The following FSTL5 variants were observed in gnomAD, a reference collection of about 807,000 sequenced individuals.
FSTL5 encodes follistatin like 5.
FSTL5 carries 62 observed loss-of-function variants against 89.1 expected under a neutral mutation model. The ratio of observed to expected loss-of-function variants is 0.70; its 90% CI spans 0.57 to 0.86. The LOEUF is 0.86. Among genes scored for constraint, FSTL5 ranks in the 40% least tolerant of loss-of-function variants. The probability of loss-of-function intolerance (pLI) is 0.00; values close to 1 mark genes in which losing one functional copy is unlikely to be tolerated. For missense variants in FSTL5, 1,057 were observed against 1,001.6 expected (o/e 1.06, Z -0.75); for synonymous variants, 383 against 346.2 (o/e 1.11, Z -1.18).
At chr4:161,409,756 C>T (rs995607523) in intron 15 of FSTL5, among the ~76,000 whole-genome samples, 3 of 152,130 alleles carry the variant, frequency 2.0e-5, no homozygotes, top group Non-Finnish European at 4.4e-5. Flanking sequence ...AAGAACAAAC[C>T]TGCTACCACA....
chr4:162,057,654 C>G (rs1459462421), intron 2 of FSTL5, among the ~76,000 whole-genome samples: 1 of 152,068 alleles, frequency 6.6e-6, no homozygotes, highest in African/African-American at 2.4e-5. Context: ...ATTTGAAAGA[C>G]ATATTTCACC....
At chr4:161,702,233 C>G (rs1738416464) in intron 6 of FSTL5, among the ~76,000 whole-genome samples, 1 of 152,074 alleles carries the variant, frequency 6.6e-6, no homozygotes, top group Non-Finnish European at 1.5e-5. Flanking sequence ...ATTTAAAAAT[C>G]TTTTGAATCA....
At chr4:161,908,093 G>T (rs1425263628) in intron 4 of FSTL5, among the ~76,000 whole-genome samples, 1 of 151,816 alleles carries the variant, frequency 6.6e-6, no homozygotes, top group African/African-American at 2.4e-5. Context: ...GAATATCAGG[G>T]ACCAATGCTA....
At chr4:161,923,124 A>C (rs1422329812) in intron 3 of FSTL5, among the ~76,000 whole-genome samples, 1 of 151,940 alleles carries the variant, frequency 6.6e-6, no homozygotes, top group East Asian at 1.9e-4. Context: ...TGCCCAAATA[A>C]CATAGATGCC....
At chr4:162,063,922 T>G (rs1289634414) in intron 2 of FSTL5, among the ~76,000 whole-genome samples, 2 of 152,046 alleles carry the variant, frequency 1.3e-5, no homozygotes, top group Non-Finnish European at 2.9e-5. Context: ...CAGAGGCTTG[T>G]GCAAATTTTC....
chr4:161,526,956 T>TAAAGC (rs1731242230), intron 10 of FSTL5, among the ~76,000 whole-genome samples: 1 of 152,122 alleles, frequency 6.6e-6, no homozygotes, highest in African/African-American at 2.4e-5. Context: ...ATATGAACTT[T>TAAAGC]AGTTTTTTCC....
At chr4:161,832,613 G>A (rs1730884593) in intron 4 of FSTL5, among the ~76,000 whole-genome samples, 1 of 152,148 alleles carries the variant, frequency 6.6e-6, no homozygotes, top group Admixed American at 6.5e-5. Flanking sequence ...TCTTGGGAGG[G>A]TGTATGTGTC....
chr4:161,985,373 A>T (rs572030745), intron 3 of FSTL5, among the ~76,000 whole-genome samples: 58 of 152,294 alleles, frequency 3.8e-4, no homozygotes, highest in African/African-American at 1.4e-3. Context: ...ACATAGTTGT[A>T]TATGAAGTAG....
intron 12 of FSTL5, among the ~76,000 whole-genome samples, chr4:161,494,609 A>AC (rs1729999595): frequency 3.3e-5 from 5 of 152,202 alleles, no homozygotes; most frequent in Admixed American, 3.3e-4. Context: ...TTCTTTTCTA[A>AC]CAGACTGGTA....
intron 6 of FSTL5, among the ~76,000 whole-genome samples, chr4:161,705,998 ACAC>A (rs1738567076): frequency 1.5e-5 from 1 of 65,524 alleles, no homozygotes; most frequent in South Asian, 6.2e-4. Flanking sequence ...ATATATATAC[ACAC>A]ATCTACACAC....
chr4:161,444,014 C>G (rs1315865417), intron 15 of FSTL5, among the ~76,000 whole-genome samples: 1 of 151,874 alleles, frequency 6.6e-6, no homozygotes, highest in Non-Finnish European at 1.5e-5. Context: ...TTATATAGCA[C>G]TGTAGCAAAA....
chr4:161,399,718 G>A (rs1398400741), intron 15 of FSTL5, among the ~76,000 whole-genome samples: 1 of 152,106 alleles, frequency 6.6e-6, no homozygotes, highest in Admixed American at 6.5e-5. Context: ...TTTTTACTGT[G>A]ATACAAAATT....
intron 1 of FSTL5, among the ~76,000 whole-genome samples, chr4:162,139,269 C>A (rs1732635011): frequency 6.6e-6 from 1 of 151,956 alleles, no homozygotes; most frequent in Non-Finnish European, 1.5e-5. Context: ...TCCCCAGTAT[C>A]TATTATCTCT....
intron 3 of FSTL5, among the ~76,000 whole-genome samples, chr4:162,019,872 A>T (rs1201036550): frequency 6.7e-6 from 1 of 149,884 alleles, no homozygotes; most frequent in African/African-American, 2.4e-5. Flanking sequence ...ATATATAAAT[A>T]TATATGCATT....
In FSTL5 at chr4:161,790,115, A is replaced by G. The variant is rs75076559; in HGVS notation, c.410-14041T>C. On this transcript the variant is annotated intron_variant, in intron 4 of 15. Coordinates refer to ENST00000306100, the MANE Select transcript of FSTL5 (RefSeq NM_020116.5). The stretch of plus-strand genomic sequence containing the variant: ...TCACTTTGTGTTATGGTGGAGAAAT[A>G]ATAAGTAGAAATTCTTACAAGGCCA... 6.8e-3 allele frequency among the ~76,000 whole-genome samples: 1,041 copies of G among 152,358 alleles called. 11 individuals carry two copies. Among genetic ancestry groups the G allele is most frequent in the African/African-American group, 0.023 (975 of 41,592 alleles).
At chr4:161,437,793 TC>T (rs1209810787) in intron 15 of FSTL5, among the ~76,000 whole-genome samples, 2 of 152,040 alleles carry the variant, frequency 1.3e-5, no homozygotes, top group Middle Eastern at 3.2e-3. Flanking sequence ...GGATGGATTT[TC>T]CACATGGAAG....
At chr4:162,053,653 G>A (rs1249915189) in intron 2 of FSTL5, among the ~76,000 whole-genome samples, 1 of 151,498 alleles carries the variant, frequency 6.6e-6, no homozygotes, top group Admixed American at 6.6e-5. Context: ...CACATGTAAG[G>A]TATAAGATCC....
rs546081820 is a variant in FSTL5 at position 161,699,119 on chromosome 4, T to C, written c.728-42625A>G. ...CTAGCTGGGTGACTTTGACTTATCA[T>C]TTAATATTTGAAAACTTTGTTTCCT... On this transcript the variant is annotated intron_variant, in intron 6 of 15. Transcript: ENST00000306100. Among the ~76,000 whole-genome samples the C allele has an allele frequency of 5.3e-5, 8 of 152,350 alleles. No individual in the cohort carries two copies. The South Asian group carries it at 1.4e-3, about 28-fold the overall frequency.
Position 161,776,058 on chromosome 4 carries a change from A to C in FSTL5, c.426T>G (p.Thr142=). The C allele has an allele frequency of 6.6e-7, 1 of 1,514,644 alleles. No individual in the cohort carries two copies. The highest frequency in any genetic ancestry group is 8.9e-7 in the Non-Finnish European group (1 of 1,118,832). The allele number at this position is 1,514,644 out of a possible 1,614,324, so 93.8% of individuals were successfully genotyped here. A position where few individuals can be genotyped will look rare whatever the true frequency, so the allele number is the denominator to read the frequency against. The change falls in exon 5 of 16, where the codon ACT becomes ACG. Residue 142 remains threonine (T), a synonymous_variant. Coordinates refer to ENST00000306100, the MANE Select transcript of FSTL5 (RefSeq NM_020116.5). ...DCFFKGDKCK[T]TEYSKMKNML... ...TATTTTTCATCTTGCTGTATTCAGTAGTCTTGCACTTATCTCCTGTAACAA... is the reference window on the plus strand; with the variant it reads ...TATTTTTCATCTTGCTGTATTCAGTCGTCTTGCACTTATCTCCTGTAACAA...
Sources: gnomAD v4.1 joint callset for allele counts (sites outside exome capture counted in the v4.1 genomes callset) on GRCh38, gnomAD v4.1.1 for gene constraint, MANE v1.5 for transcripts, NCBI Gene and HGNC (gene_info 2026-07-23, HGNC 2026-07-21) for gene names.